The following DSE variants were observed in gnomAD, a reference collection of about 807,000 sequenced individuals.
DSE encodes the protein dermatan-sulfate epimerase.
Under a neutral mutation model 84.4 loss-of-function variants are expected in DSE, and 36 were observed. The observed-to-expected ratio is 0.43, with a 90% CI of 0.33 to 0.56. DSE has a LOEUF of 0.56. DSE is among the 20% of genes least tolerant of loss of function. The pLI is 0.06. For missense variants in DSE, 862 were observed against 1,169.6 expected (o/e 0.74, Z 3.84); for synonymous variants, 410 against 430.1 (o/e 0.95, Z 0.58).
At chr6:116,339,062 G>A (rs1777435065) in intron 2 of DSE, among the ~76,000 whole-genome samples, 2 of 151,114 alleles carry the variant, frequency 1.3e-5, no homozygotes, top group African/African-American at 5.0e-5. Flanking sequence ...CTGTTCAACA[G>A]ATAAATGAGT....
intron 2 of DSE, among the ~76,000 whole-genome samples, chr6:116,268,398 A>C (rs1772730050): frequency 6.6e-6 from 1 of 152,222 alleles, no homozygotes; most frequent in Non-Finnish European, 1.5e-5. Flanking sequence ...GTGTAAGTAT[A>C]TTGTATGATG....
At chr6:116,266,463 A>G (rs888837394) in intron 2 of DSE, among the ~76,000 whole-genome samples, 1 of 152,188 alleles carries the variant, frequency 6.6e-6, no homozygotes, top group Non-Finnish European at 1.5e-5. Context: ...TCAGAAGCAT[A>G]CTGTTATTAG....
intron 2 of DSE, among the ~76,000 whole-genome samples, chr6:116,275,452 T>G (rs1367393423): frequency 3.9e-5 from 6 of 152,236 alleles, no homozygotes; most frequent in Admixed American, 3.9e-4. Context: ...TTGTTCTTTT[T>G]CCTCCATCTG....
intron 2 of DSE, chr6:116,259,344 G>T: frequency 2.3e-6 from 1 of 437,954 alleles, no homozygotes; most frequent in Non-Finnish European, 4.2e-6. Flanking sequence ...AACTACTGAT[G>T]CAACTCGATA....
At chr6:116,420,508 G>A (rs539206979) in intron 2 of DSE, among the ~76,000 whole-genome samples, 3 of 152,206 alleles carry the variant, frequency 2.0e-5, no homozygotes, top group South Asian at 4.1e-4. Flanking sequence ...AGATGGCGGC[G>A]GCCTTCTAAA....
At chr6:116,305,802 C>A (rs561671598) in intron 2 of DSE, among the ~76,000 whole-genome samples, 2 of 152,100 alleles carry the variant, frequency 1.3e-5, no homozygotes, top group East Asian at 3.9e-4. Flanking sequence ...CCACCACAGC[C>A]AGCTAATTTT....
chr6:116,325,026 T>C (rs1776538848), intron 2 of DSE, among the ~76,000 whole-genome samples: 1 of 152,204 alleles, frequency 6.6e-6, no homozygotes, highest in African/African-American at 2.4e-5. Flanking sequence ...TAGGTGTGTT[T>C]TGGGAAGCAG....
In DSE at chr6:116,426,791, G is replaced by A. The variant is rs1172419215; in HGVS notation, c.634G>A (p.Ala212Thr). 6.2e-7 allele frequency: 1 copy of A among 1,614,110 alleles called. No individual in the cohort carries two copies. Among genetic ancestry groups the A allele is most frequent in the East Asian group, 2.2e-5 (1 of 44,876 alleles). ...LHNHQPTNCM[A>T]LLTGSLVLMN... ...CAATCATCAGCCCACCAACTGTATGGCTTTGCTCACGGGAAGCCTAGTCCT... is the reference window on the plus strand; with the variant it reads ...CAATCATCAGCCCACCAACTGTATGACTTTGCTCACGGGAAGCCTAGTCCT... The change falls in exon 3 of 6, where the codon GCT (alanine) becomes ACT (threonine). Residue 212 changes from alanine (A) to threonine (T), a missense_variant. By Grantham distance (58) the Ala-to-Thr change is moderately conservative. This residue lies in a region of DSE where 309 missense variants were observed against 516.9 expected (regional missense o/e 0.60). Transcript: ENST00000644252.
chr6:116,399,290 A>G lies in DSE; in HGVS notation c.40A>G (p.Ile14Val), dbSNP rs774752825. Residue 14 changes from isoleucine to valine, a missense_variant, in exon 2 of 6, where the codon ATA becomes GTA. Coordinates refer to ENST00000644252, the MANE Select transcript of DSE (RefSeq NM_013352.4). ...ACGGGGGGCTCCCAGTGTGTTTTTCATATATTTGCTTTGCTTTGTGTCAGC... is the reference window on the plus strand; with the variant it reads ...ACGGGGGGCTCCCAGTGTGTTTTTCGTATATTTGCTTTGCTTTGTGTCAGC... ...HTRGAPSVFF[I>V]YLLCFVSAYI... 19 of 1,613,998 alleles carry G rather than the reference A, an allele frequency of 1.2e-5. No individual in the cohort carries two copies. Among genetic ancestry groups the G allele is most frequent in the South Asian group, 8.8e-5 (8 of 91,076 alleles).
At chr6:116,315,171 C>T (rs1272121054) in intron 2 of DSE, among the ~76,000 whole-genome samples, 1 of 152,150 alleles carries the variant, frequency 6.6e-6, no homozygotes, top group East Asian at 1.9e-4. Flanking sequence ...TAGCCACTAA[C>T]ACTTACTGAA....
intron 1 of DSE, among the ~76,000 whole-genome samples, chr6:116,396,840 G>A (rs995102622): frequency 6.6e-6 from 1 of 152,226 alleles, no homozygotes; most frequent in African/African-American, 2.4e-5. Context: ...CTGGGTGGGA[G>A]TGTGGTTGCA....
intron 2 of DSE, among the ~76,000 whole-genome samples, chr6:116,318,277 CA>C (rs1776106227): frequency 6.6e-6 from 1 of 152,096 alleles, no homozygotes; most frequent in African/African-American, 2.4e-5. Context: ...GAGGCCAAGG[CA>C]GGCAGATCAC....
At position 116,411,898 on chromosome 6, in the gene DSE, A is replaced by G. The variant is rs185868921; in HGVS notation, c.416+12232A>G. On this transcript the variant is annotated intron_variant, in intron 2 of 5. Coordinates refer to ENST00000644252, the MANE Select transcript of DSE (RefSeq NM_013352.4). ...TTTGGGGTCAACTTTTATTTTCAGT[A>G]TAGCAGTAACTCTAGATCTAAAACT... is the stretch of plus-strand genomic sequence containing the variant. Among the ~76,000 whole-genome samples, 282 of 152,388 alleles carry G rather than the reference A, an allele frequency of 1.9e-3. 3 individuals carry two copies. The highest frequency in any genetic ancestry group is 3.1e-3 in the Non-Finnish European group (210 of 68,042).
chr6:116,268,891 A>G (rs1772749862), intron 2 of DSE, among the ~76,000 whole-genome samples: 1 of 152,104 alleles, frequency 6.6e-6, no homozygotes, highest in African/African-American at 2.4e-5. Flanking sequence ...AGTTTCTCAC[A>G]TATGTTTGGT....
intron 2 of DSE, among the ~76,000 whole-genome samples, chr6:116,319,713 C>A (rs1776191722): frequency 6.6e-6 from 1 of 152,128 alleles, no homozygotes; most frequent in African/African-American, 2.4e-5. Flanking sequence ...TTTGACATGG[C>A]CCTTGAGGCT....
chr6:116,285,300 A>T (rs1281455280), intron 2 of DSE, among the ~76,000 whole-genome samples: 8 of 152,174 alleles, frequency 5.3e-5, no homozygotes, highest in Non-Finnish European at 1.0e-4. Flanking sequence ...ATGTGTCTGT[A>T]GGCTGTATAA....
upstream of DSE, among the ~76,000 whole-genome samples, chr6:116,365,451 C>T (rs968685342): frequency 6.6e-6 from 1 of 152,036 alleles, no homozygotes; most frequent in Non-Finnish European, 1.5e-5. Context: ...GACGGGGTTT[C>T]ACCATGTTAG....
At chr6:116,319,151 ATAT>A (rs1296400533) in intron 2 of DSE, among the ~76,000 whole-genome samples, 3 of 152,232 alleles carry the variant, frequency 2.0e-5, no homozygotes, top group Non-Finnish European at 4.4e-5. Flanking sequence ...TGAAAAATAA[ATAT>A]TATAGGGAAT....
intron 2 of DSE, among the ~76,000 whole-genome samples, chr6:116,353,570 T>G (rs1033019541): frequency 2.0e-5 from 3 of 152,238 alleles, no homozygotes; most frequent in Non-Finnish European, 4.4e-5. Context: ...TCCAACACTT[T>G]ACATTCTTTA....
Sources: gnomAD v4.1 joint callset for allele counts (sites outside exome capture counted in the v4.1 genomes callset) on GRCh38, gnomAD v4.1.1 for gene constraint, gnomAD v4.1.1 regional missense constraint, MANE v1.5 for transcripts, NCBI Gene and HGNC (gene_info 2026-07-23, HGNC 2026-07-21) for gene names.